MYO18A: variants seen among roughly 807,000 people sequenced by gnomAD.
MYO18A encodes the protein unconventional myosin-XVIIIa.
MYO18A carries 78 observed loss-of-function variants against 235.8 expected under a neutral mutation model. That is an observed-to-expected ratio of 0.33 (90% CI 0.28 to 0.40). MYO18A has a LOEUF of 0.40. MYO18A is among the 10% of genes least tolerant of loss of function. The probability of loss-of-function intolerance (pLI) is 1.00; values close to 1 mark genes in which losing one functional copy is unlikely to be tolerated. For missense variants in MYO18A, 2,215 were observed against 2,699.3 expected, an observed-to-expected ratio of 0.82 and a Z score of 3.98; for synonymous variants, 977 against 1,077.8, an observed-to-expected ratio of 0.91 and a Z score of 1.83.
Position 29,082,313 on chromosome 17 carries a change from C to A in MYO18A, c.6020+3G>T. ...TCCTCCCAGCTCAAGGCCATATGCT[C>A]ACCTGGAACTCTTTAAGCTGCCATC... On this transcript the variant is annotated splice_donor_region_variant and intron_variant, in intron 41 of 41. Coordinates refer to ENST00000527372, the MANE Select transcript of MYO18A (RefSeq NM_078471.4). 1 of 1,613,856 alleles carries A rather than the reference C, an allele frequency of 6.2e-7. No individual in the cohort carries two copies. Among genetic ancestry groups the A allele is most frequent in the South Asian group, 1.1e-5 (1 of 91,058 alleles).
At position 29,120,779 on chromosome 17, in the gene MYO18A, G is replaced by C; in HGVS notation, c.1586-21C>G. ...CTCCACTGCAGAATACAGGCCCAAG[G>C]GGATATCAGGAAAGCCAGGGGCAGC... On this transcript the variant is annotated intron_variant, in intron 6 of 41. Coordinates refer to ENST00000527372, the MANE Select transcript of MYO18A (RefSeq NM_078471.4). The surrounding 1 kb of genome is among the most constrained non-coding windows in gnomAD (Gnocchi z 4.2). 6.2e-7 allele frequency: 1 copy of C among 1,605,520 alleles called. No homozygotes were observed. Among genetic ancestry groups the C allele is most frequent in the Non-Finnish European group, 8.5e-7 (1 of 1,174,810 alleles).
Position 29,121,286 on chromosome 17 carries a change from T to C in MYO18A, c.1372-75A>G. On this transcript the variant is annotated intron_variant, in intron 5 of 41. Transcript: ENST00000527372. This position sits in a 1 kb window ranked among gnomAD's most constrained non-coding sequence, Gnocchi z 4.2. ...ATTAAGACACCCCTCACCCCCAAGG[T>C]CCACATCTTTCTGGATTTTCCCTCC... The C allele has an allele frequency of 6.8e-7, 1 of 1,473,150 alleles. No homozygotes were observed. Among genetic ancestry groups the C allele is most frequent in the Non-Finnish European group, 9.2e-7 (1 of 1,084,544 alleles). The allele number at this position is 1,473,150 out of a possible 1,614,324, so 91.3% of individuals were successfully genotyped here.
chr17:29,107,706 CAGG>C (rs2066826264), intron 19 of MYO18A: 1 of 152,448 alleles, frequency 6.6e-6, no homozygotes, highest in South Asian at 2.1e-4. Flanking sequence ...CACTTGAGGC[CAGG>C]AGTTTAGACA....
rs1409943799 is a variant in MYO18A, at chr17:29,126,661, G to C, written c.1000-4408C>G. ...CTCCAGACCCCTCTCCTTCCAGCCA[G>C]AAGGAGCCTGCATGAGCACAGGGAA... On this transcript the variant is annotated intron_variant, in intron 2 of 41. Transcript: ENST00000527372. The surrounding 1 kb of genome is among the most constrained non-coding windows in gnomAD (Gnocchi z 4.1). 6.6e-6 allele frequency among the ~76,000 whole-genome samples: 1 copy of C among 152,176 alleles called. No homozygotes were observed. The highest frequency in any genetic ancestry group is 2.4e-5 in the African/African-American group (1 of 41,424).
intron 2 of MYO18A, among the ~76,000 whole-genome samples, chr17:29,147,120 T>C (rs1469369607): frequency 6.6e-6 from 1 of 152,200 alleles, no homozygotes; most frequent in Non-Finnish European, 1.5e-5. Flanking sequence ...ATTGTTCAGA[T>C]TCCAGAGCCC....
rs150838627 is a variant in MYO18A at position 29,158,806 on chromosome 17, C to T, written c.999+7136G>A. Among the ~76,000 whole-genome samples, 177 of 152,270 alleles carry T rather than the reference C, an allele frequency of 1.2e-3. No individual in the cohort carries two copies. Among genetic ancestry groups the T allele is most frequent in the Middle Eastern group, 0.01 (3 of 294 alleles). On this transcript the variant is annotated intron_variant, in intron 2 of 41. Coordinates refer to ENST00000527372, the MANE Select transcript of MYO18A (RefSeq NM_078471.4). This position sits in a 1 kb window ranked among gnomAD's most constrained non-coding sequence, Gnocchi z 4.3. ...TTTTTAAAATACTTGTGTTCCCACC[C>T]GCCACACACTCCCCTTCACCCTACT...
At chr17:29,171,650 T>G (rs2068406432) in intron 1 of MYO18A, among the ~76,000 whole-genome samples, 1 of 152,108 alleles carries the variant, frequency 6.6e-6, no homozygotes, top group African/African-American at 2.4e-5. Flanking sequence ...ATCCCAACAC[T>G]TTGGGAGGCC....
At position 29,086,927 on chromosome 17, in the gene MYO18A, G is replaced by A; in HGVS notation, c.5712+9C>T. 2 of 1,609,934 alleles carry A rather than the reference G, an allele frequency of 1.2e-6. No homozygotes were observed. The highest frequency in any genetic ancestry group is 1.1e-5 in the South Asian group (1 of 90,446). ...CCATGTGGGCCCCGTGGGGGACAGG[G>A]GGCATTACCAGTTCGTGCTTCTTGC... On this transcript the variant is annotated intron_variant, in intron 38 of 41. Transcript: ENST00000527372.
rs2066766159 is a variant in MYO18A, at chr17:29,105,650, G to A, written c.3441+1430C>T. Among the ~76,000 whole-genome samples the A allele has an allele frequency of 2.0e-5, 3 of 152,172 alleles. No homozygotes were observed. The South Asian group carries it at 6.2e-4, about 32-fold the overall frequency. On this transcript the variant is annotated intron_variant, in intron 20 of 41. Coordinates refer to ENST00000527372, the MANE Select transcript of MYO18A (RefSeq NM_078471.4). ...GGAGCCTGATGTCCTGAGATCTGAA[G>A]GCTGGGCATCTGCTGGGAAGGTGAG...
chr17:29,150,256 T>C (rs752196181), intron 2 of MYO18A, among the ~76,000 whole-genome samples: 12 of 152,228 alleles, frequency 7.9e-5, no homozygotes, highest in Non-Finnish European at 8.8e-5. Context: ...CCTATGTCCA[T>C]AGAAACAGGA....
chr17:29,137,187 C>G (rs1018595515), intron 2 of MYO18A: 1 of 152,322 alleles, frequency 6.6e-6, no homozygotes. Flanking sequence ...GCTGTTTGTG[C>G]GTCTTTGTCA....
rs1276414677 is a variant in MYO18A, at chr17:29,121,234, A to T, written c.1372-23T>A. 6.3e-7 allele frequency: 1 copy of T among 1,583,996 alleles called. No individual in the cohort carries two copies. Among genetic ancestry groups the T allele is most frequent in the Non-Finnish European group, 8.6e-7 (1 of 1,164,888 alleles). ...CACCTTGGGCAGGAGAGCAAGGGAG[A>T]GAAGGGGTTGGCTCTTAGCTGATCC... On this transcript the variant is annotated intron_variant, in intron 5 of 41. Coordinates refer to ENST00000527372, the MANE Select transcript of MYO18A (RefSeq NM_078471.4). The surrounding 1 kb of genome is among the most constrained non-coding windows in gnomAD (Gnocchi z 4.2).
intron 2 of MYO18A, among the ~76,000 whole-genome samples, chr17:29,129,464 G>C (rs1182285993): frequency 6.6e-6 from 1 of 152,240 alleles, no homozygotes; most frequent in African/African-American, 2.4e-5. Context: ...GGGTCCCAAG[G>C]GACTGCCACT....
At chr17:29,088,775 T>C (rs890104752) in intron 37 of MYO18A, among the ~76,000 whole-genome samples, 1 of 152,194 alleles carries the variant, frequency 6.6e-6, no homozygotes, top group Non-Finnish European at 1.5e-5. Context: ...TGGTGGCTCA[T>C]GCCTGTAATC....
intron 2 of MYO18A, among the ~76,000 whole-genome samples, chr17:29,150,058 C>A (rs921304037): frequency 6.6e-6 from 1 of 152,224 alleles, no homozygotes; most frequent in Non-Finnish European, 1.5e-5. Flanking sequence ...TCAGTAAGGT[C>A]TTCCTGGGTG....
intron 2 of MYO18A, among the ~76,000 whole-genome samples, chr17:29,131,970 A>G (rs1165341438): frequency 6.6e-6 from 1 of 152,210 alleles, no homozygotes; most frequent in African/African-American, 2.4e-5. Context: ...GATCCTGCAC[A>G]ACTCCCCCAG....
Position 29,085,621 on chromosome 17 carries a change from C to T in MYO18A, c.5880G>A (p.Gln1960=). ...NSLQDMVTKY[Q]KRKNKLEGDS... The stretch of plus-strand genomic sequence containing the variant: ...GTCCTCACAGTTTATTCTTTCTTTT[C>T]TGATACTTTGTCACCATGTCCTGCA... Residue 1960 remains glutamine (Q), a synonymous_variant, in exon 40 of 42, where the codon CAG becomes CAA. Transcript: ENST00000527372. 1 of 1,614,030 alleles carries T rather than the reference C, an allele frequency of 6.2e-7. No individual in the cohort carries two copies.
chr17:29,129,708 C>T (rs2067415411), intron 2 of MYO18A, among the ~76,000 whole-genome samples: 1 of 152,252 alleles, frequency 6.6e-6, no homozygotes, highest in Non-Finnish European at 1.5e-5. Flanking sequence ...CAGGAAGACG[C>T]TCACAGTAGG....
chr17:29,144,005 T>C (rs978024035), intron 2 of MYO18A, among the ~76,000 whole-genome samples: 7 of 152,236 alleles, frequency 4.6e-5, no homozygotes, highest in African/African-American at 1.7e-4. Context: ...GTCTGCTTTT[T>C]AATTCTTTTG....
Sources: allele counts gnomAD v4.1 joint callset (sites outside exome capture counted in the v4.1 genomes callset), GRCh38; gene constraint gnomAD v4.1.1; non-coding constraint Gnocchi (gnomAD v3.1); transcripts MANE v1.5; gene names NCBI Gene and HGNC (gene_info 2026-07-23, HGNC 2026-07-21).